The following BCLAF3 variants were observed in gnomAD, a reference collection of about 807,000 sequenced individuals.
BCLAF3 encodes the protein transient octamer binding factor 1.
Under a neutral mutation model 51.2 loss-of-function variants are expected in BCLAF3, and 24 were observed. The ratio of observed to expected loss-of-function variants is 0.47; its 90% CI spans 0.34 to 0.66. The LOEUF is 0.66. Ranked by LOEUF, BCLAF3 falls within the 30% of genes least tolerant of loss-of-function variation. The pLI is 0.01. For missense variants in BCLAF3, 465 were observed against 525.1 expected, an observed-to-expected ratio of 0.89 and a Z score of 1.12; for synonymous variants, 152 against 176.6, an observed-to-expected ratio of 0.86 and a Z score of 1.10.
chrX:19,950,419 T>C, intron 8 of BCLAF3, among the ~76,000 whole-genome samples: 1 of 112,273 alleles, frequency 8.9e-6, no homozygotes, highest in Non-Finnish European at 1.9e-5. Flanking sequence ...AAGGGCAGAA[T>C]GTATCAGAGT....
chrX:19,935,893 A>G lies in BCLAF3; in HGVS notation c.1866T>C (p.Tyr622=). 8.3e-7 allele frequency: 1 copy of G among 1,203,484 alleles called. No individual in the cohort carries two copies. Among genetic ancestry groups the G allele is most frequent in the South Asian group, 1.8e-5 (1 of 56,586 alleles). Residue 622 remains tyrosine (Y), a synonymous_variant, in exon 10 of 12, where the codon TAT becomes TAC. Coordinates refer to ENST00000379682, the MANE Select transcript of BCLAF3 (RefSeq NM_001367774.2). The part of the protein sequence containing the change: ...RKCIEKPYMN[Y]TTQRKDIITH... The stretch of plus-strand genomic sequence containing the variant: ...TAATTATGTCTTTTCTCTGCGTAGT[A>G]TAATTCTGCACGAAAAAAAGTAGTA...
intron 9 of BCLAF3, 44 bp downstream of exon 9, chrX:19,937,371 GAGA>G (rs1395433633): frequency 4.8e-6 from 3 of 629,765 alleles, no homozygotes; most frequent in South Asian, 4.8e-5. Flanking sequence ...TGATGTATTG[GAGA>G]AGAAGAAATT....
rs759692489 is a variant in BCLAF3, at chrX:19,935,741, A to T, written c.1950+68T>A. The T allele has an allele frequency of 5.8e-6, 5 of 867,396 alleles. No individual in the cohort carries two copies. The South Asian group carries it at 1.1e-4, about 19-fold the overall frequency. The allele number at this position is 867,396 out of a possible 1,213,427, so 71.5% of individuals were successfully genotyped here. Reference sequence around the variant, plus strand: ...TTACAAAACAGCTCTTGATTTACTAACACTTAAAACATTGTGTCCAAAGCA... The same window carrying T: ...TTACAAAACAGCTCTTGATTTACTATCACTTAAAACATTGTGTCCAAAGCA... On this transcript the variant is annotated intron_variant, in intron 10 of 11. Coordinates refer to ENST00000379682, the MANE Select transcript of BCLAF3 (RefSeq NM_001367774.2).
intron 4 of BCLAF3, among the ~76,000 whole-genome samples, chrX:19,957,900 T>A (rs2071722306): frequency 8.9e-6 from 1 of 112,110 alleles, no homozygotes; most frequent in African/African-American, 3.2e-5. Context: ...ATGTTCTAAA[T>A]ATTTATATTT....
chrX:19,988,842 CTT>C (rs942009140), intron 1 of BCLAF3, among the ~76,000 whole-genome samples: 1 of 111,550 alleles, frequency 9.0e-6, no homozygotes, highest in Admixed American at 9.5e-5. Context: ...CTTTAAATCT[CTT>C]GTTTGTTCTA....
At chrX:19,932,659 G>A (rs1235669194) in intron 10 of BCLAF3, among the ~76,000 whole-genome samples, 1 of 108,043 alleles carries the variant, frequency 9.3e-6, no homozygotes, top group African/African-American at 3.4e-5. Context: ...AGCCTCCAGA[G>A]TAGCTGGGAC....
At chrX:19,953,756 T>A (rs1303302156) in intron 6 of BCLAF3, 22 bp downstream of exon 6, 7 of 1,142,359 alleles carry the variant, frequency 6.1e-6, no homozygotes, top group Non-Finnish European at 3.6e-6. Context: ...TAAATGGGTA[T>A]AATATGGTAA....
chrX:19,971,675 G>A (rs910498252), intron 1 of BCLAF3, among the ~76,000 whole-genome samples: 1 of 111,704 alleles, frequency 9.0e-6, no homozygotes, highest in African/African-American at 3.2e-5. Flanking sequence ...GTTCTGATAC[G>A]AATATTAAGT....
intron 10 of BCLAF3, 52 bp downstream of exon 10, chrX:19,935,757 G>A (rs1234840643): frequency 1.0e-6 from 1 of 985,049 alleles, no homozygotes; most frequent in Non-Finnish European, 1.4e-6. Context: ...AAAACATTGT[G>A]TCCAAAGCAT....
chrX:19,974,191 A>G (rs2072344224), intron 1 of BCLAF3, among the ~76,000 whole-genome samples: 1 of 112,501 alleles, frequency 8.9e-6, no homozygotes, highest in African/African-American at 3.2e-5. Flanking sequence ...CTTCACATAT[A>G]AGTGGACCCA....
chrX:19,941,752 C>T (rs373186037), intron 8 of BCLAF3, among the ~76,000 whole-genome samples: 5 of 104,583 alleles, frequency 4.8e-5, no homozygotes, highest in South Asian at 4.4e-4. Flanking sequence ...CTTGGCCATG[C>T]GGGCTCTTTT....
intron 4 of BCLAF3, among the ~76,000 whole-genome samples, chrX:19,957,736 T>G (rs1184177011): frequency 1.8e-5 from 2 of 111,742 alleles, no homozygotes; most frequent in Non-Finnish European, 3.8e-5. Context: ...TATCCTAGAG[T>G]TCCTCTACTA....
intron 8 of BCLAF3, among the ~76,000 whole-genome samples, chrX:19,941,605 G>A (rs1378124346): frequency 9.2e-6 from 1 of 108,943 alleles, no homozygotes; most frequent in Non-Finnish European, 1.9e-5. Flanking sequence ...TATTTCTGAG[G>A]GCTCTGTTCT....
At chrX:19,936,080 C>T (rs1762045764) in intron 9 of BCLAF3, among the ~76,000 whole-genome samples, 182 bp from the exon 10 acceptor site, 2 of 111,985 alleles carry the variant, frequency 1.8e-5, no homozygotes, top group African/African-American at 6.5e-5. Flanking sequence ...TGACCCTCGA[C>T]TTTGACTAAC....
intron 11 of BCLAF3, among the ~76,000 whole-genome samples, chrX:19,918,534 C>CTTTTT (rs749600263): frequency 3.6e-5 from 2 of 55,180 alleles, no homozygotes; most frequent in Non-Finnish European, 6.1e-5. Flanking sequence ...CCAACCCGGC[C>CTTTTT]TTTTTTTTTT....
At position 19,925,529 on chromosome X, in the gene BCLAF3, G is replaced by A. The variant is rs756320515; in HGVS notation, c.2106+4256C>T. Among the ~76,000 whole-genome samples the A allele has an allele frequency of 2.7e-5, 3 of 111,535 alleles. No homozygotes were observed. The South Asian group carries it at 1.1e-3, about 43-fold the overall frequency. On this transcript the variant is annotated intron_variant, in intron 11 of 11. Transcript: ENST00000379682. ...GTGGTCTAATAACTGCCAAAAGAAC[G>A]AATTCTCCAGGAGGGCAAAAAGCCA...
At chrX:19,931,870 T>C (rs183599590) in intron 10 of BCLAF3, among the ~76,000 whole-genome samples, 1 of 111,547 alleles carries the variant, frequency 9.0e-6, no homozygotes, top group Non-Finnish European at 1.9e-5. Flanking sequence ...CCAATAGGAG[T>C]CTACCAAGAT....
intron 4 of BCLAF3, among the ~76,000 whole-genome samples, 177 bp from the exon 5 acceptor site, chrX:19,955,743 T>C (rs1285680577): frequency 8.9e-6 from 1 of 111,930 alleles, no homozygotes; most frequent in East Asian, 2.8e-4. Context: ...TAACTACAGA[T>C]ACATGGCTCT....
At chrX:19,949,729 C>T (rs2071417579) in intron 8 of BCLAF3, among the ~76,000 whole-genome samples, 2 of 112,545 alleles carry the variant, frequency 1.8e-5, no homozygotes. Context: ...TAGTTAGCTA[C>T]AGACTTGACT....
Sources: allele counts gnomAD v4.1 joint callset (sites outside exome capture counted in the v4.1 genomes callset), GRCh38; gene constraint gnomAD v4.1.1; transcripts MANE v1.5; gene names NCBI Gene and HGNC (gene_info 2026-07-23, HGNC 2026-07-21).